The following SLCO1B3 variants were observed in gnomAD, a reference collection of about 807,000 sequenced individuals.
SLCO1B3 encodes the protein liver-specific organic anion transporter 2.
A neutral mutation model predicts 71.8 loss-of-function variants in SLCO1B3; 72 were observed. The ratio of observed to expected loss-of-function variants is 1.00; its 90% CI spans 0.83 to 1.22. The LOEUF (loss-of-function observed/expected upper bound fraction) is 1.22. SLCO1B3 is among the 50% of genes most tolerant of loss of function. The pLI is 0.00. For synonymous variants in SLCO1B3, 298 were observed against 278.4 expected (o/e 1.07, Z -0.70); for missense variants, 911 against 819.7 (o/e 1.11, Z -1.36).
At chr12:20,891,346 AC>A (rs974337837) in intron 13 of SLCO1B3, among the ~76,000 whole-genome samples, 6 of 151,624 alleles carry the variant, frequency 4.0e-5, no homozygotes, top group African/African-American at 1.2e-4. Context: ...TGATAATAAG[AC>A]CCTAATTTCT....
intron 3 of SLCO1B3, among the ~76,000 whole-genome samples, chr12:20,828,420 G>A: frequency 6.6e-6 from 1 of 152,090 alleles, no homozygotes. Context: ...CCAAAAAGGA[G>A]TCTGGGAGGA....
chr12:20,818,777 G>A (rs1815123111), intron 3 of SLCO1B3, among the ~76,000 whole-genome samples: 1 of 152,204 alleles, frequency 6.6e-6, no homozygotes, highest in South Asian at 2.1e-4. Context: ...AATCAAGCGT[G>A]ATCAGGGTGA....
At chr12:20,821,460 GT>G (rs1397662125) in intron 3 of SLCO1B3, among the ~76,000 whole-genome samples, 1 of 152,120 alleles carries the variant, frequency 6.6e-6, no homozygotes, top group Non-Finnish European at 1.5e-5. Flanking sequence ...GTGGAAGCTA[GT>G]CCATAGTGAA....
At chr12:20,906,516 C>A (rs1866248680) in intron 15 of SLCO1B3, among the ~76,000 whole-genome samples, 1 of 152,102 alleles carries the variant, frequency 6.6e-6, no homozygotes, top group Non-Finnish European at 1.5e-5. Context: ...TATCAATATT[C>A]CTTCATCAGT....
chr12:20,881,201 T>G (rs533420023), intron 12 of SLCO1B3, among the ~76,000 whole-genome samples, 181 bp downstream of exon 12: 2 of 152,286 alleles, frequency 1.3e-5, no homozygotes, highest in East Asian at 3.9e-4. Flanking sequence ...TATAAAACTC[T>G]GCTTAGGACA....
chr12:20,893,694 G>A (rs1033982463), intron 13 of SLCO1B3, among the ~76,000 whole-genome samples: 1 of 152,144 alleles, frequency 6.6e-6, no homozygotes, highest in Non-Finnish European at 1.5e-5. Flanking sequence ...ACAAATATGA[G>A]TTTCCCTGGG....
Position 20,850,256 on chromosome 12 carries a change from T to TTTTATTTATTTATTTA in SLCO1B3, c.85-4748_85-4733dup, listed in dbSNP as rs67315737. Among the ~76,000 whole-genome samples, 361 of 143,058 alleles carry TTTTATTTATTTATTTA rather than the reference T, an allele frequency of 2.5e-3. 1 individual carries two copies. The highest frequency in any genetic ancestry group is 8.2e-3 in the African/African-American group (312 of 38,118). 93.9% of individuals were successfully genotyped at this position (143,058 alleles called of 152,430 possible). On this transcript the variant is annotated intron_variant, in intron 3 of 15. Transcript: ENST00000381545. ...GTACAGATTATTTTTATTATTATTATTTTATTTATTTATTTATTTATTTAT... is the reference window on the plus strand; with the variant it reads ...GTACAGATTATTTTTATTATTATTATTTTATTTATTTATTTATTTATTTATTTATTTATTTATTTAT...
chr12:20,898,745 T>C (rs1441796951), intron 14 of SLCO1B3, among the ~76,000 whole-genome samples: 1 of 152,166 alleles, frequency 6.6e-6, no homozygotes, highest in Non-Finnish European at 1.5e-5. Context: ...TTATATTATA[T>C]TCTTTCTAAC....
At chr12:20,828,000 T>C (rs181786644) in intron 3 of SLCO1B3, among the ~76,000 whole-genome samples, 35 of 152,250 alleles carry the variant, frequency 2.3e-4, no homozygotes, top group African/African-American at 7.5e-4. Context: ...AGAGGGAGAT[T>C]AAAAATGGAT....
chr12:20,889,875 G>A (rs1345050935), intron 13 of SLCO1B3, among the ~76,000 whole-genome samples: 2 of 150,464 alleles, frequency 1.3e-5, no homozygotes, highest in African/African-American at 2.4e-5. Flanking sequence ...CAGAGGTTTT[G>A]GTATGTTGTG....
At position 20,862,141 on chromosome 12, in the gene SLCO1B3, G is replaced by T. The variant is rs4149122; in HGVS notation, c.482-271G>T. Among the ~76,000 whole-genome samples the T allele has an allele frequency of 0.72, 110,103 of 151,968 alleles. 42,477 individuals are homozygous for T. Among genetic ancestry groups the T allele is most frequent in the South Asian group, 0.9 (4,342 of 4,824 alleles). ...ATTTTTAAATATGTAATGTACATAA[G>T]GAATATTATGCATATTTTGTGCACT... On this transcript the variant is annotated intron_variant, in intron 6 of 15. Transcript: ENST00000381545.
intron 3 of SLCO1B3, among the ~76,000 whole-genome samples, chr12:20,818,179 G>A (rs1480381912): frequency 6.6e-6 from 1 of 152,168 alleles, no homozygotes; most frequent in African/African-American, 2.4e-5. Context: ...TCTGAGGACA[G>A]GTCTGACTTC....
At chr12:20,820,670 A>G (rs192666793) in intron 3 of SLCO1B3, among the ~76,000 whole-genome samples, 6,401 of 152,202 alleles carry the variant, frequency 0.042, 200 homozygotes, top group Non-Finnish European at 0.068. Context: ...CAATTTTTGG[A>G]GTTTTATTTA....
chr12:20,845,587 T>C (rs1864900084), intron 3 of SLCO1B3, among the ~76,000 whole-genome samples: 1 of 151,272 alleles, frequency 6.6e-6, no homozygotes, highest in Non-Finnish European at 1.5e-5. Context: ...ATAAAGAAAA[T>C]ATGTTTGGAG....
At chr12:20,914,443 T>C (rs1269291514) in intron 15 of SLCO1B3, among the ~76,000 whole-genome samples, 1 of 152,078 alleles carries the variant, frequency 6.6e-6, no homozygotes, top group Non-Finnish European at 1.5e-5. Context: ...GTGTCATTGC[T>C]GTCATTTACT....
intron 13 of SLCO1B3, among the ~76,000 whole-genome samples, chr12:20,896,411 C>G (rs185153070): frequency 1.3e-5 from 2 of 152,278 alleles, no homozygotes; most frequent in East Asian, 1.9e-4. Context: ...CTGACAGATA[C>G]CCTAAATCAT....
At chr12:20,832,421 T>C (rs1479977263) in intron 3 of SLCO1B3, among the ~76,000 whole-genome samples, 1 of 152,180 alleles carries the variant, frequency 6.6e-6, no homozygotes, top group Non-Finnish European at 1.5e-5. Flanking sequence ...TCATTACACT[T>C]GTCTTTTCTG....
chr12:20,874,624 AG>A (rs1865542504), intron 8 of SLCO1B3, among the ~76,000 whole-genome samples: 1 of 152,222 alleles, frequency 6.6e-6, no homozygotes, highest in Non-Finnish European at 1.5e-5. Flanking sequence ...AGGGAAATAT[AG>A]TTGAAATAAA....
intron 13 of SLCO1B3, among the ~76,000 whole-genome samples, chr12:20,889,788 A>G (rs551247158): frequency 3.9e-5 from 6 of 151,958 alleles, no homozygotes; most frequent in Admixed American, 6.6e-5. Flanking sequence ...TAGATTGTTA[A>G]TTTTATATCT....
Sources: gnomAD v4.1 joint callset for allele counts (sites outside exome capture counted in the v4.1 genomes callset) on GRCh38, gnomAD v4.1.1 for gene constraint, MANE v1.5 for transcripts, NCBI Gene and HGNC (gene_info 2026-07-23, HGNC 2026-07-21) for gene names.